EBF1: variants seen among roughly 807,000 people sequenced by gnomAD.
EBF1 encodes the protein EBF transcription factor 1.
EBF1 carries 10 observed loss-of-function variants against 68.4 expected under a neutral mutation model. The observed-to-expected ratio is 0.15, with a 90% CI of 0.09 to 0.25. EBF1 has a LOEUF of 0.25. EBF1 is among the 10% of genes least tolerant of loss of function. The probability of loss-of-function intolerance (pLI) is 1.00; values close to 1 mark genes in which losing one functional copy is unlikely to be tolerated. For synonymous variants in EBF1, 298 were observed against 299.8 expected (o/e 0.99, Z 0.06); for missense variants, 509 against 794.4 (o/e 0.64, Z 4.32).
intron 6 of EBF1, among the ~76,000 whole-genome samples, chr5:158,858,124 G>A (rs1010839808): frequency 2.0e-5 from 3 of 152,084 alleles, no homozygotes; most frequent in Admixed American, 6.6e-5. Context: ...CAGCCGTGAC[G>A]GTGTCATGCT....
chr5:158,947,037 C>G (rs932731146), intron 6 of EBF1, among the ~76,000 whole-genome samples: 1 of 152,194 alleles, frequency 6.6e-6, no homozygotes, highest in Non-Finnish European at 1.5e-5. Context: ...GCCCCTCCCC[C>G]CACCAACCTC....
At chr5:158,916,833 A>G in intron 6 of EBF1, among the ~76,000 whole-genome samples, 1 of 152,158 alleles carries the variant, frequency 6.6e-6, no homozygotes. Flanking sequence ...TGCATTGTCC[A>G]AGCCAGCTCA....
At chr5:158,864,910 G>A (rs568524708) in intron 6 of EBF1, among the ~76,000 whole-genome samples, 176 of 152,252 alleles carry the variant, frequency 1.2e-3, no homozygotes, top group African/African-American at 3.8e-3. Flanking sequence ...AGAGCAGCCC[G>A]TCACTGGGAG....
chr5:159,045,031 T>G (rs1772058017), intron 6 of EBF1, among the ~76,000 whole-genome samples: 1 of 152,176 alleles, frequency 6.6e-6, no homozygotes, highest in African/African-American at 2.4e-5. Context: ...GTATAAATAT[T>G]TGAGTGTCTT....
rs533545989 is a variant in EBF1 at position 158,917,160 on chromosome 5, A to T, written c.555-77050T>A. ...AAAAGAAACAAACAAGAAACCAATG[A>T]TGTTCTTAGTTATTAAGCTGCCTAT... On this transcript the variant is annotated intron_variant, in intron 6 of 15. Coordinates refer to ENST00000313708, the MANE Select transcript of EBF1 (RefSeq NM_024007.5). Among the ~76,000 whole-genome samples the T allele has an allele frequency of 5.3e-5, 8 of 152,278 alleles. No individual in the cohort carries two copies. In the South Asian group the frequency reaches 1.7e-3, roughly 32 times the overall value.
intron 7 of EBF1, among the ~76,000 whole-genome samples, chr5:158,825,492 G>GA (rs33959428): frequency 0.7 from 102,684 of 147,256 alleles, 35,757 homozygotes; most frequent in African/African-American, 0.77. Flanking sequence ...GTCTTAGGAG[G>GA]AAAAAAAAAA....
intron 6 of EBF1, among the ~76,000 whole-genome samples, chr5:159,035,687 CATT>C (rs1258309286): frequency 6.6e-6 from 1 of 152,174 alleles, no homozygotes; most frequent in Non-Finnish European, 1.5e-5. Context: ...TGTTGACTGA[CATT>C]ATCATTTTTA....
At chr5:158,727,826 GT>G (rs1250349221) in intron 11 of EBF1, among the ~76,000 whole-genome samples, 1 of 152,100 alleles carries the variant, frequency 6.6e-6, no homozygotes, top group Non-Finnish European at 1.5e-5. Context: ...GCACGTCCAA[GT>G]TTTTTTGAAA....
At chr5:158,963,034 C>T (rs1332074107) in intron 6 of EBF1, among the ~76,000 whole-genome samples, 6 of 152,214 alleles carry the variant, frequency 3.9e-5, no homozygotes, top group Non-Finnish European at 8.8e-5. Context: ...TAACAGATCA[C>T]TCCATTTCCC....
chr5:158,817,813 G>A (rs1232107191), intron 8 of EBF1, among the ~76,000 whole-genome samples: 3 of 152,160 alleles, frequency 2.0e-5, no homozygotes, highest in Admixed American at 2.0e-4. Context: ...CAAGGACTGA[G>A]TCTGCATTAT....
At chr5:158,747,936 C>G (rs1294414121) in intron 10 of EBF1, among the ~76,000 whole-genome samples, 1 of 152,112 alleles carries the variant, frequency 6.6e-6, no homozygotes. Context: ...AAGAGCTGAA[C>G]CAGGGCAGGC....
At chr5:158,852,230 G>C (rs1190112666) in intron 6 of EBF1, among the ~76,000 whole-genome samples, 1 of 151,704 alleles carries the variant, frequency 6.6e-6, no homozygotes, top group Non-Finnish European at 1.5e-5. Context: ...CCAAGGTGTG[G>C]GGGGTGGGGG....
chr5:158,699,183 C>A, intron 15 of EBF1, 41 bp from the exon 16 acceptor site: 7 of 1,548,680 alleles, frequency 4.5e-6, no homozygotes, highest in South Asian at 2.4e-5. Context: ...TCTTTGCGTT[C>A]AAACTTCTCA....
At chr5:159,001,400 C>G (rs1184230537) in intron 6 of EBF1, among the ~76,000 whole-genome samples, 3 of 152,088 alleles carry the variant, frequency 2.0e-5, no homozygotes, top group African/African-American at 7.2e-5. Context: ...ATTTCAAAAT[C>G]ACTGGTCTAG....
At chr5:158,915,131 G>C (rs1806878711) in intron 6 of EBF1, among the ~76,000 whole-genome samples, 1 of 152,180 alleles carries the variant, frequency 6.6e-6, no homozygotes, top group African/African-American at 2.4e-5. Context: ...CTCTACCGGA[G>C]TATTATCCTA....
chr5:158,823,783 C>T (rs1479552433), intron 7 of EBF1, among the ~76,000 whole-genome samples: 2 of 152,130 alleles, frequency 1.3e-5, no homozygotes, highest in African/African-American at 4.8e-5. Context: ...AGCAGGGATG[C>T]ATTTTTCTCT....
intron 6 of EBF1, among the ~76,000 whole-genome samples, chr5:159,048,530 G>A (rs1036131681): frequency 6.6e-6 from 1 of 152,208 alleles, no homozygotes; most frequent in African/African-American, 2.4e-5. Context: ...TCTGGAGCCT[G>A]GCTCTAGGAG....
chr5:158,936,991 G>A (rs1812155013), intron 6 of EBF1, among the ~76,000 whole-genome samples: 1 of 151,954 alleles, frequency 6.6e-6, no homozygotes, highest in Non-Finnish European at 1.5e-5. Context: ...CATGGAGGAG[G>A]GCAACCGAAA....
chr5:158,796,401 C>T lies in EBF1; in HGVS notation c.853G>A (p.Asp285Asn), dbSNP rs1204498411. 2 of 1,613,748 alleles carry T rather than the reference C, an allele frequency of 1.2e-6. No individual in the cohort carries two copies. Among genetic ancestry groups the T allele is most frequent in the Admixed American group, 1.7e-5 (1 of 60,000 alleles). ...ACCTGTAACCCATCAAAGAAATTGT[C>T]CCCTATGATGATCACAGTCGCACCT... ...TGGATVIIIG[D>N]NFFDGLQVIF... is the part of the protein sequence containing the mutation. The change falls in exon 9 of 16, where the codon GAC becomes AAC. Residue 285 changes from aspartate to asparagine, a missense_variant. Asp to Asn is a conservative substitution (Grantham distance 23, BLOSUM62 1). Transcript: ENST00000313708.
Sources: gnomAD v4.1 joint callset for allele counts (sites outside exome capture counted in the v4.1 genomes callset) on GRCh38, gnomAD v4.1.1 for gene constraint, MANE v1.5 for transcripts, NCBI Gene and HGNC (gene_info 2026-07-23, HGNC 2026-07-21) for gene names.